The following ZNF536 variants were observed in gnomAD, a reference collection of about 807,000 sequenced individuals.
ZNF536 encodes the protein zinc finger protein 536.
Under a neutral mutation model 84.5 loss-of-function variants are expected in ZNF536, and 13 were observed. That is an observed-to-expected ratio of 0.15 (90% CI 0.10 to 0.24). The LOEUF (loss-of-function observed/expected upper bound fraction) is 0.24, where lower values mean the gene tolerates loss of function less well. Ranked by LOEUF, ZNF536 falls within the 10% of genes least tolerant of loss-of-function variation. ZNF536 has a pLI of 1.00. For missense variants in ZNF536, 1,536 were observed against 1,747.5 expected, an observed-to-expected ratio of 0.88 and a Z score of 2.16; for synonymous variants, 811 against 742.5, an observed-to-expected ratio of 1.09 and a Z score of -1.50.
At chr19:30,520,294 C>T (rs934363056) in intron 2 of ZNF536, among the ~76,000 whole-genome samples, 7 of 152,110 alleles carry the variant, frequency 4.6e-5, no homozygotes, top group Admixed American at 4.6e-4. Flanking sequence ...AGGGGATGAG[C>T]CAGCCAGGGG....
At chr19:30,528,433 C>G (rs1009135754) in intron 2 of ZNF536, among the ~76,000 whole-genome samples, 1 of 152,166 alleles carries the variant, frequency 6.6e-6, no homozygotes, top group African/African-American at 2.4e-5. Flanking sequence ...GTTAATTGGA[C>G]TCCCTGGAAG....
At chr19:30,407,202 A>G (rs1196455558) in intron 1 of ZNF536, among the ~76,000 whole-genome samples, 4 of 152,178 alleles carry the variant, frequency 2.6e-5, no homozygotes, top group African/African-American at 4.8e-5. Context: ...TGATCCCCAG[A>G]AGGCTGAAAA....
At chr19:30,585,031 G>T (rs1247689494) in intron 1 of ZNF536, among the ~76,000 whole-genome samples, 1 of 151,900 alleles carries the variant, frequency 6.6e-6, no homozygotes, top group Non-Finnish European at 1.5e-5. Flanking sequence ...CAGCAGGCAA[G>T]TGTCTCACTC....
At chr19:30,454,123 T>G (rs554258284) in intron 2 of ZNF536, among the ~76,000 whole-genome samples, 1 of 152,358 alleles carries the variant, frequency 6.6e-6, no homozygotes, top group East Asian at 1.9e-4. Context: ...AGTGTCTACC[T>G]TTAGGAACCT....
chr19:30,634,333 C>T (rs1600100850), intron 1 of ZNF536, among the ~76,000 whole-genome samples: 2 of 152,134 alleles, frequency 1.3e-5, no homozygotes, highest in Non-Finnish European at 2.9e-5. Context: ...TAGTGGTCGA[C>T]GCTCAGCCAG....
chr19:30,632,007 G>A (rs925642036), intron 1 of ZNF536, among the ~76,000 whole-genome samples: 18 of 152,240 alleles, frequency 1.2e-4, no homozygotes, highest in African/African-American at 4.1e-4. Flanking sequence ...AACCACTATA[G>A]GCCTGTCCTC....
At chr19:30,472,491 G>T (rs1394773853) in intron 2 of ZNF536, among the ~76,000 whole-genome samples, 1 of 152,162 alleles carries the variant, frequency 6.6e-6, no homozygotes, top group Non-Finnish European at 1.5e-5. Context: ...AGTGAGTAAT[G>T]AAGTTGAGTA....
chr19:30,374,345 G>A (rs540392432), intron 1 of ZNF536, among the ~76,000 whole-genome samples: 2 of 152,036 alleles, frequency 1.3e-5, no homozygotes, highest in East Asian at 1.9e-4. Context: ...GTCTAGCACC[G>A]TAAAAAATAT....
intron 2 of ZNF536, among the ~76,000 whole-genome samples, chr19:30,330,369 C>T (rs1337238077): frequency 1.3e-5 from 2 of 152,182 alleles, no homozygotes; most frequent in African/African-American, 2.4e-5. Context: ...GGTTATGTGT[C>T]ACTGGCATTT....
intron 1 of ZNF536, among the ~76,000 whole-genome samples, chr19:30,264,281 G>T (rs935708592): frequency 1.3e-5 from 2 of 152,186 alleles, no homozygotes; most frequent in Non-Finnish European, 2.9e-5. Context: ...CATGTGAAGG[G>T]AAGAGGGAAC....
At chr19:30,682,231 G>T (rs1442067459) in intron 1 of ZNF536, among the ~76,000 whole-genome samples, 1 of 152,096 alleles carries the variant, frequency 6.6e-6, no homozygotes, top group African/African-American at 2.4e-5. Flanking sequence ...GCAAGTTTTG[G>T]GTTTGCATAC....
chr19:30,248,269 T>A (rs1450625290), intron 1 of ZNF536, among the ~76,000 whole-genome samples: 1 of 144,842 alleles, frequency 6.9e-6, no homozygotes, highest in Non-Finnish European at 1.5e-5. Context: ...TCAACCAGGC[T>A]GGAGTGCTGT....
intron 1 of ZNF536, among the ~76,000 whole-genome samples, chr19:30,424,676 C>A (rs1368233368): frequency 6.6e-6 from 1 of 152,158 alleles, no homozygotes. Context: ...CTTATTAAAT[C>A]CACACGGCCT....
intron 1 of ZNF536, among the ~76,000 whole-genome samples, chr19:30,625,349 C>T (rs2147180079): frequency 6.6e-6 from 1 of 152,314 alleles, no homozygotes; most frequent in Non-Finnish European, 1.5e-5. Flanking sequence ...CCAGTGAGAA[C>T]ACCATTCTAA....
chr19:30,705,459 A>G (rs951911761), intron 1 of ZNF536, among the ~76,000 whole-genome samples: 1 of 152,148 alleles, frequency 6.6e-6, no homozygotes, highest in African/African-American at 2.4e-5. Context: ...AGTCTTTGTA[A>G]TAAGTTTAGA....
intron 1 of ZNF536, among the ~76,000 whole-genome samples, chr19:30,667,625 C>CTTTTTTTTTTTTTTT (rs57656065): frequency 9.7e-5 from 12 of 124,012 alleles, no homozygotes; most frequent in African/African-American, 1.9e-4. Flanking sequence ...TTTTTTCTAG[C>CTTTTTTTTTTTTTTT]TTTTTTTTTT....
At chr19:30,436,461 T>C (rs2051751153) in intron 1 of ZNF536, 4 of 924,566 alleles carry the variant, frequency 4.3e-6, no homozygotes, top group Non-Finnish European at 5.0e-6. Flanking sequence ...CCAGTGTTGA[T>C]TGTAAGAGAT....
intron 2 of ZNF536, among the ~76,000 whole-genome samples, chr19:30,482,497 A>G (rs2054130291): frequency 6.6e-6 from 1 of 151,310 alleles, no homozygotes; most frequent in South Asian, 2.1e-4. Context: ...CACACCTAGG[A>G]TTTTGAGAAC....
intron 1 of ZNF536, among the ~76,000 whole-genome samples, chr19:30,606,219 T>A (rs1285107755): frequency 4.6e-4 from 53 of 115,168 alleles, no homozygotes; most frequent in Admixed American, 8.2e-4. Context: ...AAATAAAATA[T>A]AAAATAAAAT....
Sources: allele counts gnomAD v4.1 joint callset (sites outside exome capture counted in the v4.1 genomes callset), GRCh38; gene constraint gnomAD v4.1.1; transcripts MANE v1.5; gene names NCBI Gene and HGNC (gene_info 2026-07-23, HGNC 2026-07-21).